Variants in RBMX2 observed in about 807,000 individuals in gnomAD.
The protein encoded by RBMX2 is RNA-binding motif protein, X-linked 2.
For synonymous variants in RBMX2, 77 were observed against 94.3 expected, an observed-to-expected ratio of 0.82 and a Z score of 1.07; for missense variants, 191 against 256.0, an observed-to-expected ratio of 0.75 and a Z score of 1.73.
chrX:130,401,987 CT>C lies in RBMX2; in HGVS notation c.-43del. The C allele has an allele frequency of 8.5e-7, 1 of 1,178,844 alleles. No homozygotes were observed. Reference sequence around the variant, plus strand: ...CGGGGCCGCGCATGCGCTGCGCTGCCTTTCCCGGGCGCTGATTCCTGAGTGC... The same window carrying C: ...CGGGGCCGCGCATGCGCTGCGCTGCCTTCCCGGGCGCTGATTCCTGAGTGC... On this transcript the variant is annotated 5_prime_UTR_variant, in exon 1 of 6. Transcript: ENST00000305536.
chrX:130,405,374 C>A (rs776871122), intron 3 of RBMX2, among the ~76,000 whole-genome samples: 4 of 107,603 alleles, frequency 3.7e-5, no homozygotes, highest in Non-Finnish European at 7.7e-5. Context: ...GCAAGACTCC[C>A]CCATCTCAAA....
intron 1 of RBMX2, 31 bp from the exon 2 acceptor site, chrX:130,402,224 T>TGCCCGGCC: frequency 8.5e-7 from 1 of 1,174,332 alleles, no homozygotes; most frequent in Non-Finnish European, 1.1e-6. Context: ...CTTTTCTGCC[T>TGCCCGGCC]ACCCTCCCCA....
intron 4 of RBMX2, among the ~76,000 whole-genome samples, chrX:130,409,969 C>T (rs5977264): frequency 0.038 from 4,325 of 112,419 alleles, 176 homozygotes; most frequent in African/African-American, 0.13. Context: ...AAGGAGATAG[C>T]GCAAGTCAGG....
In RBMX2 at chrX:130,412,809, G is replaced by A; in HGVS notation, c.930G>A (p.Glu310=). 3 of 1,210,769 alleles carry A rather than the reference G, an allele frequency of 2.5e-6. No individual in the cohort carries two copies. The highest frequency in any genetic ancestry group is 1.7e-5 in the African/African-American group (1 of 57,761). The change falls in exon 6 of 6, where the codon GAG becomes GAA. Residue 310 remains glutamate, a synonymous_variant. Coordinates refer to ENST00000305536, the MANE Select transcript of RBMX2 (RefSeq NM_016024.4). ...HRHKRARRSR[E]RESSNPSDRW... ...ATAAAAGGGCCCGACGCTCCCGGGAGCGGGAGTCTTCGAATCCCAGTGACC... is the reference window on the plus strand; with the variant it reads ...ATAAAAGGGCCCGACGCTCCCGGGAACGGGAGTCTTCGAATCCCAGTGACC...
intron 4 of RBMX2, 74 bp downstream of exon 4, chrX:130,409,460 C>A (rs190983786): frequency 1.9e-6 from 2 of 1,064,620 alleles, no homozygotes; most frequent in Admixed American, 5.0e-5. Flanking sequence ...ACCTGGTTCC[C>A]GCAGACACAA....
At chrX:130,410,613 C>T (rs191390738) in intron 4 of RBMX2, among the ~76,000 whole-genome samples, 12 of 111,871 alleles carry the variant, frequency 1.1e-4, no homozygotes, top group Middle Eastern at 4.6e-3. Flanking sequence ...TCTCGTACTT[C>T]TGACCTCAAG....
intron 2 of RBMX2, 33 bp from the exon 3 acceptor site, chrX:130,403,769 T>G: frequency 8.4e-7 from 1 of 1,187,980 alleles, no homozygotes; most frequent in Non-Finnish European, 1.1e-6. Flanking sequence ...TTGGTAAATG[T>G]TGGTGGAACT....
chrX:130,402,396 G>A, intron 2 of RBMX2, 26 bp downstream of exon 2: 1 of 1,197,283 alleles, frequency 8.4e-7, no homozygotes, highest in Non-Finnish European at 1.1e-6. Context: ...TTCTTCCTCA[G>A]TGCTCTCCAG....
rs768008291 is a variant in RBMX2, at chrX:130,402,255, C to T, written c.6C>T (p.Asn2=). 11 of 1,122,944 alleles carry T rather than the reference C, an allele frequency of 9.8e-6. 1 individual carries two copies. In the South Asian group the frequency reaches 1.9e-4, roughly 19 times the overall value. 92.5% of individuals were successfully genotyped at this position (1,122,944 alleles called of 1,213,427 possible). ...CCCCACCCCCCCCGCCACCGTGAAGCCCTTTAACTAAGGTGAAGCTGATCA... is the reference window on the plus strand; with the variant it reads ...CCCCACCCCCCCCGCCACCGTGAAGTCCTTTAACTAAGGTGAAGCTGATCA... M[N]PLTKVKLINE... is the part of the protein sequence containing the mutation. The change falls in exon 2 of 6, where the codon AAC becomes AAT. Residue 2 remains asparagine, a splice_region_variant and synonymous_variant. Coordinates refer to ENST00000305536, the MANE Select transcript of RBMX2 (RefSeq NM_016024.4).
chrX:130,405,130 G>A (rs1159789125), intron 3 of RBMX2, among the ~76,000 whole-genome samples: 1 of 111,880 alleles, frequency 8.9e-6, no homozygotes, highest in African/African-American at 3.3e-5. Context: ...TGTAATCCCA[G>A]CACTTTGGGA....
intron 3 of RBMX2, chrX:130,404,203 C>G (rs1161954017): frequency 9.2e-6 from 2 of 218,046 alleles, no homozygotes; most frequent in African/African-American, 5.5e-5. Flanking sequence ...CTGGCCCTTA[C>G]CTGTGTGGCG....
intron 1 of RBMX2, 30 bp from the exon 2 acceptor site, chrX:130,402,225 A>ACCCCACCCC: frequency 3.0e-6 from 3 of 984,778 alleles, no homozygotes; most frequent in Admixed American, 2.5e-5. Flanking sequence ...TTTTCTGCCT[A>ACCCCACCCC]CCCTCCCCAC....
Position 130,402,390 on chromosome X carries a change from T to G in RBMX2, c.121+20T>G. 8.3e-7 allele frequency: 1 copy of G among 1,200,174 alleles called. No individual in the cohort carries two copies. Among genetic ancestry groups the G allele is most frequent in the South Asian group, 1.8e-5 (1 of 54,759 alleles). ...TCCTGGGTGAGGTCCACATCTTTCTTCCTCAGTGCTCTCCAGATTCTCCTG... is the reference window on the plus strand; with the variant it reads ...TCCTGGGTGAGGTCCACATCTTTCTGCCTCAGTGCTCTCCAGATTCTCCTG... On this transcript the variant is annotated intron_variant, in intron 2 of 5. Transcript: ENST00000305536.
In RBMX2 at chrX:130,412,691, G is replaced by A. The variant is rs377526825; in HGVS notation, c.812G>A (p.Arg271Gln). The change falls in exon 6 of 6, where the codon CGG becomes CAG. Residue 271 changes from arginine to glutamine, a missense_variant. Arg to Gln is a conservative substitution (Grantham distance 43). Transcript: ENST00000305536. ...EEKTRIRDRGRSSDAHSSWYN... is the reference protein window; with the variant it reads ...EEKTRIRDRGQSSDAHSSWYN... ...AAGACCAGGATTAGGGACAGAGGGC[G>A]GAGCTCAGATGCACATTCTAGCTGG... 3.2e-5 allele frequency: 39 copies of A among 1,207,908 alleles called. No homozygotes were observed. The highest frequency in any genetic ancestry group is 1.2e-4 in the East Asian group (4 of 33,629).
intron 3 of RBMX2, among the ~76,000 whole-genome samples, chrX:130,407,454 A>C (rs757702650): frequency 4.5e-5 from 5 of 111,490 alleles, no homozygotes; most frequent in African/African-American, 1.6e-4. Flanking sequence ...TTAGTATTAA[A>C]TAGTTCCTAA....
chrX:130,411,443 G>C lies in RBMX2; in HGVS notation c.399G>C (p.Glu133Asp). 1 of 1,210,152 alleles carries C rather than the reference G, an allele frequency of 8.3e-7. No homozygotes were observed. The highest frequency in any genetic ancestry group is 1.1e-6 in the Non-Finnish European group (1 of 894,809). The change falls in exon 5 of 6, where the codon GAG becomes GAC. Residue 133 changes from glutamate to aspartate, a missense_variant. By Grantham distance (45) the Glu-to-Asp change is conservative. Transcript: ENST00000305536. The stretch of plus-strand genomic sequence containing the variant: ...ATGATGTGACCAGACAACTCCAGGA[G>C]AAGGGCTGTGGGGCTCGTACCCCCT... Reference protein sequence around the residue: ...EIDDVTRQLQEKGCGARTPSP... With the variant: ...EIDDVTRQLQDKGCGARTPSP...
Position 130,411,428 on chromosome X carries a change from C to G in RBMX2, c.384C>G (p.Thr128=). ...PKDSEEIDDV[T]RQLQEKGCGA... is the part of the protein sequence containing the mutation. ...ACTCAGAAGAAATAGATGATGTGAC[C>G]AGACAACTCCAGGAGAAGGGCTGTG... is the stretch of plus-strand genomic sequence containing the variant. Residue 128 remains threonine, a synonymous_variant, in exon 5 of 6, where the codon ACC becomes ACG. Coordinates refer to ENST00000305536, the MANE Select transcript of RBMX2 (RefSeq NM_016024.4). The G allele has an allele frequency of 8.3e-7, 1 of 1,208,993 alleles. No homozygotes were observed. The highest frequency in any genetic ancestry group is 1.1e-6 in the Non-Finnish European group (1 of 894,058).
chrX:130,410,410 A>G (rs941064614), intron 4 of RBMX2, among the ~76,000 whole-genome samples: 7 of 109,578 alleles, frequency 6.4e-5, no homozygotes, highest in African/African-American at 2.0e-4. Context: ...GGAGGGGGAC[A>G]GGGTCTCACT....
chrX:130,404,496 G>C (rs1442585685), intron 3 of RBMX2: 1 of 113,081 alleles, frequency 8.8e-6, no homozygotes, highest in African/African-American at 3.2e-5. Context: ...TGCAACCCCA[G>C]AGCTAAACAG....
Sources: allele counts gnomAD v4.1 joint callset (sites outside exome capture counted in the v4.1 genomes callset), GRCh38; gene constraint gnomAD v4.1.1; transcripts MANE v1.5; gene names NCBI Gene and HGNC (gene_info 2026-07-23, HGNC 2026-07-21).